TSEN2: variants seen among roughly 807,000 people sequenced by gnomAD.
TSEN2 encodes tRNA-splicing endonuclease subunit Sen2.
Under a neutral mutation model 59.2 loss-of-function variants are expected in TSEN2, and 54 were observed. That is an observed-to-expected ratio of 0.91 (90% CI 0.73 to 1.14). The LOEUF (loss-of-function observed/expected upper bound fraction) is 1.14. TSEN2 is among the 50% of genes most tolerant of loss of function. TSEN2 has a pLI of 0.00. For missense variants in TSEN2, 636 were observed against 576.2 expected (o/e 1.10, Z -1.06); for synonymous variants, 195 against 198.2 (o/e 0.98, Z 0.14).
intron 1 of TSEN2, among the ~76,000 whole-genome samples, chr3:12,489,238 CATT>C (rs1299534163): frequency 6.6e-6 from 1 of 152,124 alleles, no homozygotes; most frequent in African/African-American, 2.4e-5. Context: ...CTGCTGCTGT[CATT>C]ATTATTTATT....
At chr3:12,506,675 G>T in intron 6 of TSEN2, 1 of 984,792 alleles carries the variant, frequency 1.0e-6, no homozygotes, top group Non-Finnish European at 1.2e-6. Context: ...GTCACTTTAT[G>T]CTCAGACCCT....
chr3:12,496,444 T>C, intron 3 of TSEN2, 74 bp from the exon 4 acceptor site: 1 of 1,487,630 alleles, frequency 6.7e-7, no homozygotes, highest in Middle Eastern at 1.7e-4. Context: ...AAATTCTCAG[T>C]CTTTCCTAGA....
upstream of TSEN2, among the ~76,000 whole-genome samples, chr3:12,483,043 A>G (rs971670107): frequency 6.6e-6 from 1 of 152,224 alleles, no homozygotes; most frequent in African/African-American, 2.4e-5. Flanking sequence ...ATGCTGCGAC[A>G]TGATCTCACT....
At chr3:12,485,002 C>T (rs931460265) in intron 1 of TSEN2, 122 bp downstream of exon 1, 3 of 152,262 alleles carry the variant, frequency 2.0e-5, no homozygotes, top group Non-Finnish European at 4.4e-5. Flanking sequence ...GAAACGCCTT[C>T]TGCAAAATTA....
chr3:12,513,286 G>T (rs1438152449), intron 6 of TSEN2, among the ~76,000 whole-genome samples: 1 of 152,166 alleles, frequency 6.6e-6, no homozygotes, highest in South Asian at 2.1e-4. Flanking sequence ...GCAAGGATGG[G>T]ATTGAACCTT....
At chr3:12,496,778 A>G (rs573334727) in intron 4 of TSEN2, among the ~76,000 whole-genome samples, 28 of 152,316 alleles carry the variant, frequency 1.8e-4, no homozygotes, top group African/African-American at 5.5e-4. Context: ...TGCCAGTTGA[A>G]TTCTTTCCAA....
intron 8 of TSEN2, among the ~76,000 whole-genome samples, chr3:12,520,853 A>T (rs1434080336): frequency 6.6e-6 from 1 of 152,254 alleles, no homozygotes. Context: ...TTCATGTGAC[A>T]GGGGTTTGTT....
At chr3:12,526,493 C>T (rs1351343546) in intron 8 of TSEN2, among the ~76,000 whole-genome samples, 1 of 152,198 alleles carries the variant, frequency 6.6e-6, no homozygotes, top group East Asian at 1.9e-4. Flanking sequence ...TATCACATAG[C>T]CTATGTGTGT....
chr3:12,485,777 C>T (rs915902098), intron 1 of TSEN2, among the ~76,000 whole-genome samples: 2 of 152,134 alleles, frequency 1.3e-5, no homozygotes, highest in Non-Finnish European at 2.9e-5. Flanking sequence ...CTTTGCATCC[C>T]AAACCTCTTG....
chr3:12,505,425 G>C (rs2054707119), intron 6 of TSEN2, 194 bp downstream of exon 6: 1 of 579,496 alleles, frequency 1.7e-6, no homozygotes. Flanking sequence ...TCAGTTCTAA[G>C]ATATGTGTTT....
intron 6 of TSEN2, among the ~76,000 whole-genome samples, chr3:12,509,260 G>A (rs1160636569): frequency 6.6e-6 from 1 of 151,706 alleles, no homozygotes; most frequent in African/African-American, 2.4e-5. Flanking sequence ...CAGTGCAGTG[G>A]CGTGATCTCA....
At chr3:12,518,092 AT>A (rs2125153726) in intron 7 of TSEN2, among the ~76,000 whole-genome samples, 1 of 152,318 alleles carries the variant, frequency 6.6e-6, no homozygotes, top group African/African-American at 2.4e-5. Flanking sequence ...TTACCTAGTT[AT>A]TTTGTTGTCA....
At chr3:12,536,188 G>A (rs1197783469), downstream of TSEN2, among the ~76,000 whole-genome samples, 1 of 152,200 alleles carries the variant, frequency 6.6e-6, no homozygotes, top group Non-Finnish European at 1.5e-5. Context: ...AGAGGAGATT[G>A]GGAGGAGAGG....
At chr3:12,488,386 G>C (rs979334219) in intron 1 of TSEN2, among the ~76,000 whole-genome samples, 1 of 152,184 alleles carries the variant, frequency 6.6e-6, no homozygotes, top group African/African-American at 2.4e-5. Flanking sequence ...CCTAGTACTG[G>C]GGGAGCAGCA....
At chr3:12,496,984 C>T (rs1177788262) in intron 4 of TSEN2, among the ~76,000 whole-genome samples, 1 of 152,140 alleles carries the variant, frequency 6.6e-6, no homozygotes, top group East Asian at 1.9e-4. Flanking sequence ...AACGTTTCTC[C>T]CTGACTCCCC....
chr3:12,488,962 A>G lies in TSEN2; in HGVS notation c.-17-822A>G, dbSNP rs55792604. ...ATGGTGTTGCTACTGCTCACCCTGT[A>G]ATACTAATTATAGCTGATACATGAA... On this transcript the variant is annotated intron_variant, in intron 1 of 11. Transcript: ENST00000284995. 6.0e-3 allele frequency among the ~76,000 whole-genome samples: 908 copies of G among 152,302 alleles called. 3 individuals are homozygous for G. The highest frequency in any genetic ancestry group is 9.8e-3 in the Non-Finnish European group (667 of 68,024).
At chr3:12,504,363 C>T (rs1394995165) in intron 5 of TSEN2, among the ~76,000 whole-genome samples, 2 of 152,130 alleles carry the variant, frequency 1.3e-5, no homozygotes, top group African/African-American at 4.8e-5. Flanking sequence ...AGGAGGATCA[C>T]TTGAGGCCAG....
At chr3:12,519,239 T>C in intron 8 of TSEN2, 42 bp downstream of exon 8, 1 of 1,612,430 alleles carries the variant, frequency 6.2e-7, no homozygotes, top group Non-Finnish European at 8.5e-7. Context: ...ATAGAGTTTA[T>C]ATCAGATTCA....
chr3:12,524,831 C>T (rs779281289), intron 8 of TSEN2, among the ~76,000 whole-genome samples: 53 of 151,050 alleles, frequency 3.5e-4, no homozygotes, highest in Non-Finnish European at 6.3e-4. Flanking sequence ...CAACCTCTGC[C>T]TCCCACATTC....
Sources: allele counts gnomAD v4.1 joint callset (sites outside exome capture counted in the v4.1 genomes callset), GRCh38; gene constraint gnomAD v4.1.1; transcripts MANE v1.5; gene names NCBI Gene and HGNC (gene_info 2026-07-23, HGNC 2026-07-21).